Variants in CORO7 observed in about 807,000 individuals in gnomAD.
CORO7 encodes the protein coronin-7.
A neutral mutation model predicts 126.6 loss-of-function variants in CORO7; 107 were observed. The observed-to-expected ratio is 0.85, with a 90% CI of 0.72 to 0.99. The LOEUF is 0.99. Among genes scored for constraint, CORO7 ranks in the 50% least tolerant of loss-of-function variants. The pLI is 0.00. For missense variants in CORO7, 1,314 were observed against 1,255.8 expected, an observed-to-expected ratio of 1.05 and a Z score of -0.70; for synonymous variants, 603 against 536.8, an observed-to-expected ratio of 1.12 and a Z score of -1.70.
chr16:4,375,220 C>G (rs906534396), intron 9 of CORO7, among the ~76,000 whole-genome samples: 2 of 152,178 alleles, frequency 1.3e-5, no homozygotes, highest in Admixed American at 1.3e-4. Context: ...AAGTCACCCA[C>G]GGTGCTACTG....
At chr16:4,411,604 G>C (rs899043440) in intron 3 of CORO7, among the ~76,000 whole-genome samples, 1 of 152,100 alleles carries the variant, frequency 6.6e-6, no homozygotes, top group Non-Finnish European at 1.5e-5. Flanking sequence ...TTAGTACAGA[G>C]AGCAATCTCC....
chr16:4,413,573 T>G (rs2056295075), intron 1 of CORO7, 169 bp from the exon 2 acceptor site: 2 of 597,676 alleles, frequency 3.3e-6, no homozygotes, highest in Middle Eastern at 4.4e-4. Flanking sequence ...GGTCTCACTC[T>G]GTCACCCAGG....
chr16:4,362,813 A>G lies in CORO7; in HGVS notation c.1276-75T>C. 3.1e-6 allele frequency: 4 copies of G among 1,272,184 alleles called. No individual in the cohort carries two copies. In the South Asian group the frequency reaches 1.1e-4, roughly 34 times the overall value. The allele number at this position is 1,272,184 out of a possible 1,614,324, so 78.8% of individuals were successfully genotyped here. A position where few individuals can be genotyped will look rare whatever the true frequency, so the allele number is the denominator to read the frequency against. ...AAAGGAGGGGGTGCCAGCGGACTCCAGGGTCACCACTCTGGGCCCCCTGCG... is the reference window on the plus strand; with the variant it reads ...AAAGGAGGGGGTGCCAGCGGACTCCGGGGTCACCACTCTGGGCCCCCTGCG... On this transcript the variant is annotated intron_variant, in intron 14 of 27. Coordinates refer to ENST00000251166, the MANE Select transcript of CORO7 (RefSeq NM_024535.5). The surrounding 1 kb of genome is among the most constrained non-coding windows in gnomAD (Gnocchi z 5.3).
rs758241685 is a variant in CORO7, at chr16:4,364,900, T to C, written c.919A>G (p.Ser307Gly). Residue 307 changes from serine to glycine, a missense_variant, in exon 12 of 28, where the codon AGC (serine) becomes GGC (glycine). Coordinates refer to ENST00000251166, the MANE Select transcript of CORO7 (RefSeq NM_024535.5). ...ACAAGGGCAGCCCCACGCAGCACGC[T>C]CTCCAGGACACACTGGGTCACTGTT... ...LSPVTQCVLE[S>G]VLRGAALVPR... 3.7e-6 allele frequency: 6 copies of C among 1,610,290 alleles called. No homozygotes were observed. In the South Asian group the frequency reaches 6.6e-5, roughly 18 times the overall value.
Position 4,360,503 on chromosome 16 carries a change from C to T in CORO7, c.1963G>A (p.Val655Ile). 6.2e-7 allele frequency: 1 copy of T among 1,611,838 alleles called. No individual in the cohort carries two copies. Among genetic ancestry groups the T allele is most frequent in the Non-Finnish European group, 8.5e-7 (1 of 1,179,464 alleles). ...ACCCGCACACGCCCATCCTTGCAGA[C>T]AGTGGCCAGCTGCTGCCCATCAGGA... is the stretch of plus-strand genomic sequence containing the variant. ...WSPDGQQLAT[V>I]CKDGRVRVYR... is the part of the protein sequence containing the mutation. Residue 655 changes from valine (V) to isoleucine (I), a missense_variant, in exon 20 of 28, where the codon GTC (valine) becomes ATC (isoleucine). Physicochemically the swap from Val to Ile is conservative, Grantham distance 29. Coordinates refer to ENST00000251166, the MANE Select transcript of CORO7 (RefSeq NM_024535.5).
Position 4,357,153 on chromosome 16 carries a change from C to G in CORO7, c.2685+15G>C, listed in dbSNP as rs1340430214. 6.2e-7 allele frequency: 1 copy of G among 1,613,624 alleles called. No homozygotes were observed. The highest frequency in any genetic ancestry group is 1.3e-5 in the African/African-American group (1 of 74,914). ...ACTCTGTCACCTCCGCACAGCTGCT[C>G]TCTCCCATGCCTACCTCCTCCTTCT... On this transcript the variant is annotated intron_variant, in intron 26 of 27. Transcript: ENST00000251166.
chr16:4,380,048 A>C (rs1596303929), intron 9 of CORO7, among the ~76,000 whole-genome samples: 3 of 143,176 alleles, frequency 2.1e-5, no homozygotes, highest in African/African-American at 2.6e-5. Flanking sequence ...ACAGAGCAAG[A>C]CTCCGTCTCA....
chr16:4,411,534 T>C (rs1276832408), intron 3 of CORO7, among the ~76,000 whole-genome samples: 1 of 152,174 alleles, frequency 6.6e-6, no homozygotes, highest in African/African-American at 2.4e-5. Flanking sequence ...AGACCTCGTC[T>C]CTATATACTT....
At chr16:4,391,135 A>AGAGGT (rs1418371462) in intron 7 of CORO7, among the ~76,000 whole-genome samples, 1 of 152,108 alleles carries the variant, frequency 6.6e-6, no homozygotes, top group Admixed American at 6.5e-5. Flanking sequence ...ATCAAAAATG[A>AGAGGT]GAGGTGGGCT....
chr16:4,360,152 C>T, intron 21 of CORO7, 126 bp downstream of exon 21: 1 of 1,229,624 alleles, frequency 8.1e-7, no homozygotes. Flanking sequence ...ATCATCTACC[C>T]ACCCACCCAA....
At chr16:4,381,907 T>G in intron 9 of CORO7, 1 of 1,606,270 alleles carries the variant, frequency 6.2e-7, no homozygotes, top group Non-Finnish European at 8.5e-7. Context: ...GGAGCTTGAC[T>G]ACGCCGACTT....
intron 9 of CORO7, among the ~76,000 whole-genome samples, chr16:4,366,749 C>G (rs2054361395): frequency 6.6e-6 from 1 of 152,038 alleles, no homozygotes; most frequent in African/African-American, 2.4e-5. Context: ...CACTATGCTT[C>G]CGAGGCCGGT....
At chr16:4,372,567 C>T (rs1166727098) in intron 9 of CORO7, among the ~76,000 whole-genome samples, 1 of 152,150 alleles carries the variant, frequency 6.6e-6, no homozygotes, top group Admixed American at 6.5e-5. Flanking sequence ...CTTAGAGCTT[C>T]GGGTATCAGG....
rs762408882 is a variant in CORO7, at chr16:4,362,104, T to C, written c.1459A>G (p.Ile487Val). ...QGTVLHRDSHITNLKGLNLTT... is the reference protein window; with the variant it reads ...QGTVLHRDSHVTNLKGLNLTT... ...AGGTTGAGCCCCTTGAGGTTGGTGATGTGGCTGTCTCGGTGCAGGACAGTG... is the reference window on the plus strand; with the variant it reads ...AGGTTGAGCCCCTTGAGGTTGGTGACGTGGCTGTCTCGGTGCAGGACAGTG... The change falls in exon 16 of 28, where the codon ATC (isoleucine) becomes GTC (valine). Residue 487 changes from isoleucine (I) to valine (V), a missense_variant. Ile to Val is a conservative substitution (Grantham distance 29). Transcript: ENST00000251166. The surrounding 1 kb of genome is among the most constrained non-coding windows in gnomAD (Gnocchi z 5.3). 22 of 1,612,984 alleles carry C rather than the reference T, an allele frequency of 1.4e-5. No homozygotes were observed. Among genetic ancestry groups the C allele is most frequent in the African/African-American group, 2.7e-5 (2 of 74,846 alleles).
At position 4,359,345 on chromosome 16, in the gene CORO7, G is replaced by A. The variant is rs199853197; in HGVS notation, c.2291C>T (p.Ser764Phe). Residue 764 changes from serine (S) to phenylalanine (F), a missense_variant, in exon 23 of 28, where the codon TCC becomes TTC. Transcript: ENST00000251166. ...RVFLYELLPE[S>F]PFFLECNSFT... ...GCTGTTGCACTCCAGGAAGAAAGGG[G>A]ACTCGGGGAGCAGCTCGTACAGGAA... 68 of 1,613,026 alleles carry A rather than the reference G, an allele frequency of 4.2e-5. No homozygotes were observed. Among genetic ancestry groups the A allele is most frequent in the Admixed American group, 5.0e-5 (3 of 59,924 alleles).
chr16:4,382,570 C>A, intron 9 of CORO7: 2 of 1,593,678 alleles, frequency 1.3e-6, no homozygotes, highest in South Asian at 2.3e-5. Context: ...CAACCACGCC[C>A]CAGTCACCCA....
chr16:4,379,628 C>G (rs1327248611), intron 9 of CORO7, among the ~76,000 whole-genome samples: 1 of 152,052 alleles, frequency 6.6e-6, no homozygotes, highest in African/African-American at 2.4e-5. Flanking sequence ...TGACGGTAAA[C>G]ACTTAGTGTT....
Position 4,364,400 on chromosome 16 carries a change from C to A in CORO7, c.1151G>T (p.Ser384Ile). 1.3e-6 allele frequency: 2 copies of A among 1,507,756 alleles called. No homozygotes were observed. The highest frequency in any genetic ancestry group is 2.7e-5 in the South Asian group (2 of 74,410). 93.4% of individuals were successfully genotyped at this position (1,507,756 alleles called of 1,614,324 possible). Residue 384 changes from serine (S) to isoleucine (I), a missense_variant, in exon 14 of 28, where the codon AGC becomes ATC. Coordinates refer to ENST00000251166, the MANE Select transcript of CORO7 (RefSeq NM_024535.5). ...GTGGGGCCGGCAGGCGGGGTTGAGG[C>A]TGACCTTCTGCACCTGCATGGAGGC... ...AGDNQQVQKV[S>I]LNPACRPHPS...
chr16:4,382,619 CCCTGGCCGCGGTGCT>C (rs745554472), intron 9 of CORO7: 35 of 1,577,958 alleles, frequency 2.2e-5, no homozygotes, highest in South Asian at 3.5e-5. Flanking sequence ...ATTGCGCCCG[CCCTGGCCGCGGTGCT>C]CCTGGCCGCG....
Sources: allele counts gnomAD v4.1 joint callset (sites outside exome capture counted in the v4.1 genomes callset), GRCh38; gene constraint gnomAD v4.1.1; non-coding constraint Gnocchi (gnomAD v3.1); transcripts MANE v1.5; gene names NCBI Gene and HGNC (gene_info 2026-07-23, HGNC 2026-07-21).